Variants in NRG3 observed in about 807,000 individuals in gnomAD.
The protein encoded by NRG3 is pro-neuregulin-3, membrane-bound isoform.
Under a neutral mutation model 66.9 loss-of-function variants are expected in NRG3, and 31 were observed. The observed-to-expected ratio is 0.46, with a 90% CI of 0.35 to 0.63. NRG3 has a LOEUF of 0.63. NRG3 is among the 20% of genes least tolerant of loss of function. NRG3 has a pLI of 0.00. For synonymous variants in NRG3, 393 were observed against 359.4 expected (o/e 1.09, Z -1.06); for missense variants, 910 against 878.9 (o/e 1.04, Z -0.45).
chr10:82,797,530 C>T (rs959592167), intron 3 of NRG3, among the ~76,000 whole-genome samples: 5 of 152,004 alleles, frequency 3.3e-5, no homozygotes, highest in Non-Finnish European at 7.4e-5. Flanking sequence ...TTCTGTCACT[C>T]AGATTCAAAA....
intron 1 of NRG3, among the ~76,000 whole-genome samples, chr10:81,905,672 G>C (rs1049643073): frequency 2.6e-5 from 4 of 152,180 alleles, no homozygotes; most frequent in African/African-American, 9.6e-5. Context: ...TTCCTACTCT[G>C]TTTTTACAGG....
Position 82,447,593 on chromosome 10 carries a change from GA to G in NRG3, c.953+88726del, listed in dbSNP as rs199873584. The stretch of plus-strand genomic sequence containing the variant: ...TTCCTACCTACTCCTTCCACCCCCA[GA>G]TGCACACACACTTACCTATGGCTTT... On this transcript the variant is annotated intron_variant, in intron 2 of 8. Transcript: ENST00000372141. 3.9e-3 allele frequency among the ~76,000 whole-genome samples: 588 copies of G among 152,304 alleles called. 3 individuals are homozygous for G. Among genetic ancestry groups the G allele is most frequent in the African/African-American group, 0.013 (553 of 41,560 alleles).
intron 1 of NRG3, among the ~76,000 whole-genome samples, chr10:82,236,710 CTTTTTTTTTT>C (rs370359467): frequency 2.1e-5 from 2 of 93,508 alleles, no homozygotes; most frequent in African/African-American, 8.6e-5. Context: ...AAAACTAGAA[CTTTTTTTTTT>C]TTTTTTTTTT....
At chr10:82,726,457 C>A (rs2057605791) in intron 2 of NRG3, among the ~76,000 whole-genome samples, 1 of 152,052 alleles carries the variant, frequency 6.6e-6, no homozygotes, top group African/African-American at 2.4e-5. Flanking sequence ...ATGAATGGGT[C>A]TCACAAGATC....
intron 2 of NRG3, among the ~76,000 whole-genome samples, chr10:82,683,802 G>A (rs1565199768): frequency 6.6e-6 from 1 of 152,162 alleles, no homozygotes; most frequent in Non-Finnish European, 1.5e-5. Flanking sequence ...ACAAATTCCA[G>A]TGATTTTAGT....
chr10:81,882,921 TG>T (rs1224461140), intron 1 of NRG3, among the ~76,000 whole-genome samples: 1 of 152,168 alleles, frequency 6.6e-6, no homozygotes, highest in African/African-American at 2.4e-5. Context: ...GCTTGGAAGG[TG>T]TTTTTTAAAG....
chr10:82,759,549 C>A (rs1236318576), intron 3 of NRG3, among the ~76,000 whole-genome samples: 3 of 152,112 alleles, frequency 2.0e-5, no homozygotes, highest in South Asian at 2.1e-4. Flanking sequence ...TTACCAAAAT[C>A]TTTGGGAAGT....
chr10:82,232,694 A>G (rs1463413708), intron 1 of NRG3: 2 of 715,192 alleles, frequency 2.8e-6, no homozygotes, highest in African/African-American at 1.7e-5. Flanking sequence ...GGGCTACAAG[A>G]GGAGACACAG....
intron 2 of NRG3, among the ~76,000 whole-genome samples, chr10:82,433,077 C>T (rs1218788810): frequency 6.6e-6 from 1 of 152,180 alleles, no homozygotes; most frequent in Non-Finnish European, 1.5e-5. Context: ...TACATTTCCA[C>T]AAACAGTGTA....
intron 1 of NRG3, among the ~76,000 whole-genome samples, chr10:82,354,443 T>A (rs986327006): frequency 6.6e-6 from 1 of 150,612 alleles, no homozygotes; most frequent in Non-Finnish European, 1.5e-5. Flanking sequence ...CAGGCTAGAG[T>A]GCAATGGCGC....
intron 3 of NRG3, among the ~76,000 whole-genome samples, chr10:82,830,285 A>G (rs2062450748): frequency 6.6e-6 from 1 of 152,178 alleles, no homozygotes; most frequent in Non-Finnish European, 1.5e-5. Context: ...TGAATATCCA[A>G]TGGACCTAGA....
chr10:82,340,024 C>T (rs1007180185), intron 1 of NRG3, among the ~76,000 whole-genome samples: 7 of 152,030 alleles, frequency 4.6e-5, no homozygotes, highest in African/African-American at 1.7e-4. Context: ...TGAATACTCT[C>T]GAAAGTGTCT....
intron 2 of NRG3, among the ~76,000 whole-genome samples, chr10:82,603,410 G>A (rs1480500311): frequency 6.6e-6 from 1 of 152,238 alleles, no homozygotes; most frequent in African/African-American, 2.4e-5. Context: ...AGTCACAAAG[G>A]CAAGAGTCTC....
intron 2 of NRG3, among the ~76,000 whole-genome samples, chr10:82,719,158 C>T (rs1411949183): frequency 1.3e-5 from 2 of 152,096 alleles, no homozygotes; most frequent in African/African-American, 4.8e-5. Context: ...GTGTGTATAC[C>T]TGTGCACATG....
intron 3 of NRG3, among the ~76,000 whole-genome samples, chr10:82,863,245 T>C (rs2064233430): frequency 6.6e-6 from 1 of 152,240 alleles, no homozygotes; most frequent in African/African-American, 2.4e-5. Flanking sequence ...CACATTTTCT[T>C]TATCCAGTCT....
At chr10:82,733,479 C>T (rs2058017616) in intron 2 of NRG3, among the ~76,000 whole-genome samples, 1 of 152,164 alleles carries the variant, frequency 6.6e-6, no homozygotes, top group Non-Finnish European at 1.5e-5. Flanking sequence ...TAAACCATCC[C>T]TCTTAATCAT....
chr10:82,753,016 A>C (rs942747271), intron 3 of NRG3, among the ~76,000 whole-genome samples: 1 of 152,180 alleles, frequency 6.6e-6, no homozygotes, highest in Non-Finnish European at 1.5e-5. Flanking sequence ...ATATAGAATA[A>C]ATTTCTAAAG....
chr10:82,721,439 T>G (rs1044034951), intron 2 of NRG3, among the ~76,000 whole-genome samples: 2 of 151,556 alleles, frequency 1.3e-5, no homozygotes, highest in East Asian at 3.9e-4. Flanking sequence ...CGCCCGGCCT[T>G]GAAACAGAGT....
intron 3 of NRG3, among the ~76,000 whole-genome samples, chr10:82,827,341 G>T (rs1187316220): frequency 6.6e-6 from 1 of 151,924 alleles, no homozygotes; most frequent in African/African-American, 2.4e-5. Context: ...CCCATCTGCA[G>T]ATATTAAAGC....
Sources: allele counts gnomAD v4.1 joint callset (sites outside exome capture counted in the v4.1 genomes callset), GRCh38; gene constraint gnomAD v4.1.1; transcripts MANE v1.5; gene names NCBI Gene and HGNC (gene_info 2026-07-23, HGNC 2026-07-21).